Variants in SATL1 observed in about 807,000 individuals in gnomAD.
The protein encoded by SATL1 is spermidine/spermine N(1)-acetyltransferase-like protein 1.
A neutral mutation model predicts 51.8 loss-of-function variants in SATL1; 47 were observed. The ratio of observed to expected loss-of-function variants is 0.91; its 90% CI spans 0.72 to 1.16. The LOEUF (loss-of-function observed/expected upper bound fraction) is 1.16. Ranked by LOEUF, SATL1 falls within the 50% of genes most tolerant of loss-of-function variation. SATL1 has a pLI of 0.00. For missense variants in SATL1, 520 were observed against 526.4 expected, an observed-to-expected ratio of 0.99 and a Z score of 0.12; for synonymous variants, 176 against 182.4, an observed-to-expected ratio of 0.97 and a Z score of 0.28.
chrX:85,189,864 C>A (rs1329918445), intron 2 of SATL1, among the ~76,000 whole-genome samples: 2 of 112,039 alleles, frequency 1.8e-5, no homozygotes, highest in Non-Finnish European at 1.9e-5. Context: ...TTAGTCATTT[C>A]TTTGCTAGTT....
At chrX:85,122,470 T>C (rs1925529503) in intron 2 of SATL1, among the ~76,000 whole-genome samples, 1 of 111,261 alleles carries the variant, frequency 9.0e-6, no homozygotes, top group Non-Finnish European at 1.9e-5. Flanking sequence ...ATACTACTTA[T>C]CACCATGAGT....
chrX:85,136,335 C>G (rs188012616), intron 2 of SATL1, among the ~76,000 whole-genome samples: 1 of 111,649 alleles, frequency 9.0e-6, no homozygotes, highest in East Asian at 2.8e-4. Flanking sequence ...AAGACATAAT[C>G]ACAGTGAGAT....
At chrX:85,093,792 A>C (rs1602818894) in intron 6 of SATL1, among the ~76,000 whole-genome samples, 4 of 112,124 alleles carry the variant, frequency 3.6e-5, no homozygotes, top group South Asian at 7.4e-4. Flanking sequence ...TGAGTGTAGG[A>C]GGTTGAGGTT....
intron 2 of SATL1, among the ~76,000 whole-genome samples, chrX:85,151,024 T>C (rs1926417927): frequency 9.1e-6 from 1 of 110,442 alleles, no homozygotes; most frequent in Admixed American, 9.7e-5. Context: ...GGAAGTCAAA[T>C]TGTCCCTGTT....
At chrX:85,188,414 A>G (rs943877741) in intron 2 of SATL1, among the ~76,000 whole-genome samples, 11 of 111,568 alleles carry the variant, frequency 9.9e-5, no homozygotes, top group African/African-American at 3.6e-4. Flanking sequence ...TAAACCTATA[A>G]AAGGAAATCT....
intron 2 of SATL1, among the ~76,000 whole-genome samples, chrX:85,164,885 C>A (rs767688484): frequency 9.1e-6 from 1 of 109,966 alleles, no homozygotes; most frequent in East Asian, 2.9e-4. Flanking sequence ...CCACCACACC[C>A]GACTAATTTT....
intron 2 of SATL1, chrX:85,211,802 G>A (rs1364630753): frequency 8.9e-6 from 1 of 111,758 alleles, no homozygotes; most frequent in Admixed American, 9.5e-5. Flanking sequence ...GAAATAGAAA[G>A]AGACTTGCTA....
chrX:85,154,133 A>AAAATAC (rs1415954628), intron 2 of SATL1, among the ~76,000 whole-genome samples: 8 of 111,763 alleles, frequency 7.2e-5, no homozygotes, highest in African/African-American at 2.6e-4. Context: ...AAAACTGGAA[A>AAAATAC]GTCACTTCCC....
chrX:85,119,626 A>T (rs1773931448), intron 2 of SATL1, among the ~76,000 whole-genome samples: 1 of 111,519 alleles, frequency 9.0e-6, no homozygotes, highest in Non-Finnish European at 1.9e-5. Context: ...TTTTGTAAAA[A>T]TATCAGTTGA....
At chrX:85,201,331 A>G (rs1927682354) in intron 2 of SATL1, among the ~76,000 whole-genome samples, 1 of 111,703 alleles carries the variant, frequency 9.0e-6, no homozygotes, top group Admixed American at 9.5e-5. Flanking sequence ...TTTAATTAAT[A>G]GAGATTCTGG....
At chrX:85,236,548 C>T (rs1288014667) in intron 1 of SATL1, among the ~76,000 whole-genome samples, 3 of 111,130 alleles carry the variant, frequency 2.7e-5, no homozygotes, top group Non-Finnish European at 5.7e-5. Flanking sequence ...AAAAATCAAT[C>T]GATGTGATAC....
chrX:85,222,191 A>G (rs1256711816), intron 2 of SATL1, among the ~76,000 whole-genome samples: 1 of 111,847 alleles, frequency 8.9e-6, no homozygotes, highest in East Asian at 2.8e-4. Context: ...GCTGTGGGAC[A>G]TTGGGCAAAT....
At chrX:85,227,987 G>A (rs1466103848) in intron 1 of SATL1, among the ~76,000 whole-genome samples, 2 of 111,261 alleles carry the variant, frequency 1.8e-5, no homozygotes, top group Non-Finnish European at 3.8e-5. Context: ...ATAATCTGGG[G>A]AGGGGAAAGA....
At chrX:85,158,162 G>A (rs1190442818) in intron 2 of SATL1, among the ~76,000 whole-genome samples, 2 of 109,229 alleles carry the variant, frequency 1.8e-5, no homozygotes, top group South Asian at 3.8e-4. Flanking sequence ...TTTTTATTCA[G>A]CTAGCTCACA....
chrX:85,101,806 A>ATT (rs1924898973), intron 4 of SATL1, among the ~76,000 whole-genome samples: 3 of 111,325 alleles, frequency 2.7e-5, no homozygotes, highest in Non-Finnish European at 5.6e-5. Flanking sequence ...TATATCTCAC[A>ATT]TTATATATAT....
At chrX:85,160,203 A>G (rs1926689106) in intron 2 of SATL1, among the ~76,000 whole-genome samples, 1 of 111,088 alleles carries the variant, frequency 9.0e-6, no homozygotes, top group Non-Finnish European at 1.9e-5. Context: ...GACTTTAAAG[A>G]TGGAAGGAAT....
intron 2 of SATL1, among the ~76,000 whole-genome samples, chrX:85,125,486 T>C (rs1925600679): frequency 9.5e-6 from 1 of 105,161 alleles, no homozygotes; most frequent in Non-Finnish European, 1.9e-5. Flanking sequence ...TGTCCTTTTT[T>C]TTCTTCCACT....
At chrX:85,164,872 G>A (rs759635716) in intron 2 of SATL1, among the ~76,000 whole-genome samples, 13 of 109,471 alleles carry the variant, frequency 1.2e-4, no homozygotes, top group East Asian at 5.8e-4. Context: ...TTACAGGCAC[G>A]CACCACCACA....
chrX:85,108,328 C>T lies in SATL1; in HGVS notation c.641G>A (p.Ser214Asn), dbSNP rs761414546. ...GACTTGCTGGCTCATGCCTGGTTGA[C>T]TCATGTCTGGGTGGCTTGGGACTTG... ...SQQVPSHPDM[S>N]QPGMSQQVPS... Residue 214 changes from serine (S) to asparagine (N), a missense_variant, in exon 3 of 8, where the codon AGT (serine) becomes AAT (asparagine). Around this residue, in one of 3 missense-constraint regions of SATL1, gnomAD observed 488 missense variants for 474.3 expected, o/e 1.03. Transcript: ENST00000644105. 21 of 1,208,913 alleles carry T rather than the reference C, an allele frequency of 1.7e-5. No individual in the cohort carries two copies. Among genetic ancestry groups the T allele is most frequent in the Non-Finnish European group, 2.3e-5 (21 of 894,936 alleles).
Sources: allele counts gnomAD v4.1 joint callset (sites outside exome capture counted in the v4.1 genomes callset), GRCh38; gene constraint gnomAD v4.1.1; regional missense constraint gnomAD v4.1.1; transcripts MANE v1.5; gene names NCBI Gene and HGNC (gene_info 2026-07-23, HGNC 2026-07-21).